Variants in PDE6C observed in about 807,000 individuals in gnomAD.
PDE6C encodes phosphodiesterase 6C, also known as cone cGMP-specific 3',5'-cyclic phosphodiesterase subunit alpha'.
PDE6C carries 75 observed loss-of-function variants against 113.1 expected under a neutral mutation model. That is an observed-to-expected ratio of 0.66 (90% CI 0.55 to 0.80). The LOEUF (loss-of-function observed/expected upper bound fraction) is 0.80. PDE6C is among the 30% of genes least tolerant of loss of function. The pLI, the probability that PDE6C is intolerant of heterozygous loss-of-function variation, is 0.00. For synonymous variants in PDE6C, 375 were observed against 363.7 expected, an observed-to-expected ratio of 1.03 and a Z score of -0.35; for missense variants, 912 against 1,038.6, an observed-to-expected ratio of 0.88 and a Z score of 1.67.
At chr10:93,663,247 C>A in intron 21 of PDE6C, 69 bp downstream of exon 21, 1 of 1,471,958 alleles carries the variant, frequency 6.8e-7, no homozygotes, top group Non-Finnish European at 9.4e-7. Flanking sequence ...TGGCATGTGA[C>A]AAAGCCATAA....
At chr10:93,645,710 A>G (rs1383264043) in intron 14 of PDE6C, among the ~76,000 whole-genome samples, 2 of 152,210 alleles carry the variant, frequency 1.3e-5, no homozygotes, top group African/African-American at 2.4e-5. Context: ...ATTTAGATAC[A>G]AGGAGCTGAA....
intron 15 of PDE6C, among the ~76,000 whole-genome samples, chr10:93,649,451 G>A (rs908781593): frequency 6.6e-6 from 1 of 152,100 alleles, no homozygotes; most frequent in Non-Finnish European, 1.5e-5. Context: ...TTTCATTAAC[G>A]TCTAATGAAC....
chr10:93,624,550 C>A (rs2058463291), intron 4 of PDE6C, among the ~76,000 whole-genome samples: 1 of 152,098 alleles, frequency 6.6e-6, no homozygotes, highest in Non-Finnish European at 1.5e-5. Flanking sequence ...ATTTATATTT[C>A]TTCATATTCA....
At chr10:93,628,199 T>C (rs916770310) in intron 7 of PDE6C, among the ~76,000 whole-genome samples, 1 of 152,164 alleles carries the variant, frequency 6.6e-6, no homozygotes, top group Non-Finnish European at 1.5e-5. Flanking sequence ...ATCCCATAGA[T>C]TTAAACAAAT....
Position 93,665,560 on chromosome 10 carries a change from T to C in PDE6C, c.*142T>C, listed in dbSNP as rs2058686338. 1.5e-6 allele frequency: 1 copy of C among 658,512 alleles called. No individual in the cohort carries two copies. The highest frequency in any genetic ancestry group is 2.7e-6 in the Non-Finnish European group (1 of 374,768). 40.8% of individuals were successfully genotyped at this position (658,512 alleles called of 1,614,324 possible). A position where few individuals can be genotyped will look rare whatever the true frequency, so the allele number is the denominator to read the frequency against. On this transcript the variant is annotated 3_prime_UTR_variant, in exon 22 of 22. Coordinates refer to ENST00000371447, the MANE Select transcript of PDE6C (RefSeq NM_006204.4). ...TGACTATGAAGAAAATATATATTGC[T>C]AGCCCAAAAATCCCAGGGGCAAAAT...
chr10:93,640,596 A>G (rs753258345), intron 13 of PDE6C, 39 bp downstream of exon 13: 7 of 1,320,240 alleles, frequency 5.3e-6, no homozygotes, highest in Middle Eastern at 1.8e-4. Context: ...AAACCTGCAG[A>G]TTTCCCATTT....
intron 8 of PDE6C, among the ~76,000 whole-genome samples, chr10:93,631,271 C>T (rs531643406): frequency 1.3e-5 from 2 of 152,110 alleles, no homozygotes; most frequent in East Asian, 3.9e-4. Flanking sequence ...TCTCAGATCT[C>T]CACCTGTGGG....
At chr10:93,653,215 G>C (rs765062916) in intron 15 of PDE6C, among the ~76,000 whole-genome samples, 3 of 152,154 alleles carry the variant, frequency 2.0e-5, no homozygotes, top group African/African-American at 4.8e-5. Flanking sequence ...GGTTAAGTGG[G>C]ATCAAAATGA....
At chr10:93,656,654 C>T (rs902396367) in intron 16 of PDE6C, among the ~76,000 whole-genome samples, 5 of 151,990 alleles carry the variant, frequency 3.3e-5, no homozygotes, top group Admixed American at 2.6e-4. Flanking sequence ...ACTGCAATCT[C>T]GGCCTCCAAG....
chr10:93,660,452 T>TA (rs1178313051), intron 18 of PDE6C, among the ~76,000 whole-genome samples: 4 of 152,138 alleles, frequency 2.6e-5, no homozygotes, highest in African/African-American at 9.7e-5. Context: ...CTGGCTCCTT[T>TA]CCTCCAGGAA....
intron 14 of PDE6C, among the ~76,000 whole-genome samples, chr10:93,641,753 G>C (rs1479078833): frequency 6.6e-6 from 1 of 152,134 alleles, no homozygotes; most frequent in African/African-American, 2.4e-5. Context: ...TACTACCCCT[G>C]GGCTCACTAC....
At chr10:93,644,456 G>A (rs978250125) in intron 14 of PDE6C, among the ~76,000 whole-genome samples, 1 of 151,892 alleles carries the variant, frequency 6.6e-6, no homozygotes, top group East Asian at 1.9e-4. Flanking sequence ...TACTTTTGGG[G>A]TACATGATAT....
intron 20 of PDE6C, among the ~76,000 whole-genome samples, 154 bp downstream of exon 20, chr10:93,662,797 T>C (rs1038700788): frequency 6.6e-6 from 1 of 152,142 alleles, no homozygotes; most frequent in Non-Finnish European, 1.5e-5. Context: ...CTAATCTCAT[T>C]CAGGGCTGGA....
rs1275925576 is a variant in PDE6C, at chr10:93,626,664, G to T, written c.964G>T (p.Asp322Tyr). Residue 322 changes from aspartate (D) to tyrosine (Y), a missense_variant, in exon 6 of 22, where the codon GAT (aspartate) becomes TAT (tyrosine). Transcript: ENST00000371447. ...GREVNFYKIIDYILHGKEEIK... is the reference protein window; with the variant it reads ...GREVNFYKIIYYILHGKEEIK... ...GGAAGTCAACTTTTATAAAATCATT[G>T]ATTACATTTTACATGGAAAAGAAGA... is the stretch of plus-strand genomic sequence containing the variant. The T allele has an allele frequency of 1.3e-6, 2 of 1,588,928 alleles. No homozygotes were observed. The highest frequency in any genetic ancestry group is 2.2e-5 in the South Asian group (2 of 90,406).
chr10:93,638,746 C>A (rs558477647), intron 11 of PDE6C, among the ~76,000 whole-genome samples: 2 of 152,296 alleles, frequency 1.3e-5, no homozygotes, highest in South Asian at 4.1e-4. Context: ...AATTATTTGT[C>A]CATCTTCACG....
Position 93,612,810 on chromosome 10 carries a change from CGGGTGGAGGTGCT to C in PDE6C, c.89_101del (p.Val30GlufsTer20). The stretch of plus-strand genomic sequence containing the variant: ...CAAGGAGTACTTTGACAGGAAGTTG[CGGGTGGAGGTGCT>C]GGGAGAAATCTTCAAGAACAGCCAG... On this transcript the variant is annotated frameshift_variant, in exon 1 of 22. Coordinates refer to ENST00000371447, the MANE Select transcript of PDE6C (RefSeq NM_006204.4). LOFTEE classifies it high-confidence loss of function. The C allele has an allele frequency of 6.2e-7, 1 of 1,614,112 alleles. No individual in the cohort carries two copies. Among genetic ancestry groups the C allele is most frequent in the South Asian group, 1.1e-5 (1 of 91,076 alleles).
At chr10:93,650,953 T>G (rs1218452946) in intron 15 of PDE6C, among the ~76,000 whole-genome samples, 1 of 152,230 alleles carries the variant, frequency 6.6e-6, no homozygotes, top group Non-Finnish European at 1.5e-5. Flanking sequence ...ATTGTTTATT[T>G]TAATTCAACT....
At position 93,663,016 on chromosome 10, in the gene PDE6C, A is replaced by T. The variant is rs1564806898; in HGVS notation, c.2368-12A>T. On this transcript the variant is annotated splice_polypyrimidine_tract_variant and intron_variant, in intron 20 of 21. Transcript: ENST00000371447. ...ATGATTTATGTAGTTTCTGACCTAAAATTCCTTTTAGGAGTTCTCACGGTT... is the reference window on the plus strand; with the variant it reads ...ATGATTTATGTAGTTTCTGACCTAATATTCCTTTTAGGAGTTCTCACGGTT... The T allele has an allele frequency of 6.2e-7, 1 of 1,608,192 alleles. No individual in the cohort carries two copies. Among genetic ancestry groups the T allele is most frequent in the Non-Finnish European group, 8.5e-7 (1 of 1,176,430 alleles).
chr10:93,665,286 T>G, intron 21 of PDE6C, 74 bp from the exon 22 acceptor site: 1 of 1,097,846 alleles, frequency 9.1e-7, no homozygotes, highest in Non-Finnish European at 1.4e-6. Flanking sequence ...GACACTACTA[T>G]CATGGGAATG....
Sources: allele counts gnomAD v4.1 joint callset (sites outside exome capture counted in the v4.1 genomes callset), GRCh38; gene constraint gnomAD v4.1.1; transcripts MANE v1.5; gene names NCBI Gene and HGNC (gene_info 2026-07-23, HGNC 2026-07-21).